Variants in NUMB observed in about 807,000 individuals in gnomAD.
NUMB encodes the protein protein numb homolog.
A neutral mutation model predicts 59.7 loss-of-function variants in NUMB; 29 were observed. The ratio of observed to expected loss-of-function variants is 0.49; its 90% CI spans 0.36 to 0.66. The LOEUF (loss-of-function observed/expected upper bound fraction) is 0.66, where lower values mean the gene tolerates loss of function less well. Ranked by LOEUF, NUMB falls within the 30% of genes least tolerant of loss-of-function variation. The pLI is 0.00. For synonymous variants in NUMB, 288 were observed against 288.2 expected (o/e 1.00, Z 0.01); for missense variants, 723 against 822.0 (o/e 0.88, Z 1.47).
chr14:73,448,457 C>T lies in NUMB; in HGVS notation c.-233+10036G>A, dbSNP rs118154156. ...TTCTCCCTCCTTGGCTCCCAAAGTG[C>T]TGGGATTAAAGGCATGAGCCACCAC... On this transcript the variant is annotated intron_variant, in intron 1 of 12. Coordinates refer to ENST00000555238, the MANE Select transcript of NUMB (RefSeq NM_001005743.2). 4.7e-3 allele frequency among the ~76,000 whole-genome samples: 712 copies of T among 152,172 alleles called. 33 individuals are homozygous for T. In the East Asian group the frequency reaches 0.11, roughly 23 times the overall value.
At chr14:73,365,285 C>T (rs532558365) in intron 3 of NUMB, among the ~76,000 whole-genome samples, 13 of 152,294 alleles carry the variant, frequency 8.5e-5, no homozygotes, top group African/African-American at 3.1e-4. Context: ...AAGTGATCTG[C>T]CCATCTCAGC....
intron 2 of NUMB, among the ~76,000 whole-genome samples, chr14:73,379,525 T>A (rs12147398): frequency 3.3e-5 from 5 of 151,866 alleles, no homozygotes; most frequent in Non-Finnish European, 4.4e-5. Context: ...TCAAGTAGGA[T>A]TGGAGAAAAG....
intron 12 of NUMB, among the ~76,000 whole-genome samples, chr14:73,279,013 C>T (rs549771434): frequency 2.0e-5 from 3 of 152,194 alleles, no homozygotes. Context: ...CATGTGCCAA[C>T]ACACCCAGCC....
Position 73,327,576 on chromosome 14 carries a change from C to T in NUMB, c.127-4372G>A, listed in dbSNP as rs141860273. Among the ~76,000 whole-genome samples, 155 of 151,870 alleles carry T rather than the reference C, an allele frequency of 1.0e-3. 1 individual carries two copies. Among genetic ancestry groups the T allele is most frequent in the South Asian group, 2.1e-3 (10 of 4,812 alleles). The stretch of plus-strand genomic sequence containing the variant: ...GGACTTGAGAATTATTAATATGAGG[C>T]GGACTAGGAGGCTTAATGACATTTT... On this transcript the variant is annotated intron_variant, in intron 4 of 12. Transcript: ENST00000555238.
intron 10 of NUMB, 46 bp downstream of exon 10, chr14:73,284,035 G>C: frequency 1.3e-6 from 2 of 1,539,436 alleles, no homozygotes; most frequent in Non-Finnish European, 1.8e-6. Flanking sequence ...TGATGAGAAT[G>C]CTTCAGTGCT....
intron 2 of NUMB, among the ~76,000 whole-genome samples, chr14:73,389,280 AAAAAAAAAAAAAAC>A (rs1365830774): frequency 3.3e-5 from 3 of 91,584 alleles, no homozygotes; most frequent in Non-Finnish European, 3.8e-5. Context: ...CTCAAAAAAA[AAAAAAAAAAAAAAC>A]AAAAACAAAA....
intron 1 of NUMB, among the ~76,000 whole-genome samples, chr14:73,435,271 CT>C (rs11295491): frequency 0.29 from 33,022 of 112,576 alleles, 3,726 homozygotes; most frequent in African/African-American, 0.52. Flanking sequence ...TTGGCAATTA[CT>C]TTTTTTTTTT....
chr14:73,352,528 A>ATAT (rs1566756459), intron 4 of NUMB, among the ~76,000 whole-genome samples: 4 of 11,688 alleles, frequency 3.4e-4, no homozygotes, highest in Admixed American at 2.1e-3. Context: ...ATATATATAT[A>ATAT]TGTTTTTTTT....
chr14:73,433,294 T>G (rs188803684), intron 1 of NUMB, among the ~76,000 whole-genome samples: 3 of 151,160 alleles, frequency 2.0e-5, no homozygotes, highest in African/African-American at 7.3e-5. Context: ...TGGTGGTGCA[T>G]GCCTGTAGTC....
At chr14:73,359,879 G>A (rs1455078495) in intron 3 of NUMB, among the ~76,000 whole-genome samples, 2 of 151,384 alleles carry the variant, frequency 1.3e-5, no homozygotes, top group Non-Finnish European at 2.9e-5. Context: ...CCTCACCCCC[G>A]ACTCTCCCCT....
chr14:73,364,737 T>C (rs1280980030), intron 3 of NUMB, among the ~76,000 whole-genome samples: 1 of 151,996 alleles, frequency 6.6e-6, no homozygotes. Flanking sequence ...AAAGCAATCC[T>C]TCCACTTCAG....
At chr14:73,354,919 T>C (rs1262347951) in intron 4 of NUMB, among the ~76,000 whole-genome samples, 1 of 151,938 alleles carries the variant, frequency 6.6e-6, no homozygotes, top group Non-Finnish European at 1.5e-5. Context: ...GATATTAACA[T>C]TTGGTATTTG....
At chr14:73,319,047 G>A (rs1446541694) in intron 5 of NUMB, among the ~76,000 whole-genome samples, 3 of 152,206 alleles carry the variant, frequency 2.0e-5, no homozygotes, top group Admixed American at 1.3e-4. Context: ...GCCCAGGCTG[G>A]TGGATCACCT....
At chr14:73,363,457 C>T (rs938308172) in intron 3 of NUMB, among the ~76,000 whole-genome samples, 9 of 152,236 alleles carry the variant, frequency 5.9e-5, no homozygotes, top group Admixed American at 5.2e-4. Flanking sequence ...CGAAAAATAC[C>T]ATGCCCAGAC....
chr14:73,429,230 G>A (rs533825898), intron 1 of NUMB, among the ~76,000 whole-genome samples: 2 of 152,194 alleles, frequency 1.3e-5, no homozygotes, highest in East Asian at 3.9e-4. Flanking sequence ...AAATTAGCCG[G>A]GCGTGGTGGC....
chr14:73,278,464 G>A (rs1399802916), intron 12 of NUMB, among the ~76,000 whole-genome samples: 1 of 151,362 alleles, frequency 6.6e-6, no homozygotes, highest in Non-Finnish European at 1.5e-5. Context: ...AGGTTGCAGT[G>A]AGCCAAGATC....
intron 7 of NUMB, among the ~76,000 whole-genome samples, chr14:73,295,461 A>G (rs1889713561): frequency 6.6e-6 from 1 of 152,258 alleles, no homozygotes; most frequent in Admixed American, 6.5e-5. Context: ...AACAAATTTC[A>G]TCCAAACACT....
chr14:73,376,976 T>G (rs1397107784), intron 2 of NUMB, among the ~76,000 whole-genome samples: 1 of 152,180 alleles, frequency 6.6e-6, no homozygotes, highest in Non-Finnish European at 1.5e-5. Context: ...GACAGTCTTT[T>G]TCAACAAATG....
intron 1 of NUMB, among the ~76,000 whole-genome samples, chr14:73,419,833 T>C (rs1164014666): frequency 1.3e-5 from 2 of 152,132 alleles, no homozygotes; most frequent in Admixed American, 6.5e-5. Context: ...GGAATGGGAG[T>C]ACTTAAGGGA....
Sources: gnomAD v4.1 joint callset for allele counts (sites outside exome capture counted in the v4.1 genomes callset) on GRCh38, gnomAD v4.1.1 for gene constraint, MANE v1.5 for transcripts, NCBI Gene and HGNC (gene_info 2026-07-23, HGNC 2026-07-21) for gene names.